Variants in ATXN7L1 observed in about 807,000 individuals in gnomAD.
ATXN7L1 encodes ataxin-7-like protein 1.
In ATXN7L1, 15 loss-of-function variants were observed where a neutral mutation model predicts 70.8. The ratio of observed to expected loss-of-function variants is 0.21; its 90% CI spans 0.14 to 0.33. The LOEUF (loss-of-function observed/expected upper bound fraction) is 0.33, where lower values mean the gene tolerates loss of function less well. Ranked by LOEUF, ATXN7L1 falls within the 10% of genes least tolerant of loss-of-function variation. ATXN7L1 has a pLI of 1.00. For missense variants in ATXN7L1, 975 were observed against 1,097.1 expected (o/e 0.89, Z 1.57); for synonymous variants, 440 against 445.1 (o/e 0.99, Z 0.14).
chr7:105,709,501 C>G (rs764939755), intron 3 of ATXN7L1, among the ~76,000 whole-genome samples: 1 of 152,060 alleles, frequency 6.6e-6, no homozygotes, highest in Admixed American at 6.5e-5. Context: ...AAGCCCACAC[C>G]CCAACCACCT....
intron 4 of ATXN7L1, among the ~76,000 whole-genome samples, chr7:105,654,230 T>C (rs1449307239): frequency 1.3e-5 from 2 of 152,242 alleles, no homozygotes; most frequent in African/African-American, 4.8e-5. Context: ...ACAAATGCTT[T>C]AGGTGGGGAT....
chr7:105,772,164 C>T (rs929564199), intron 3 of ATXN7L1, among the ~76,000 whole-genome samples: 2 of 148,682 alleles, frequency 1.3e-5, no homozygotes, highest in South Asian at 2.1e-4. Context: ...ACCTCTGCCT[C>T]CAGGGTTCAA....
chr7:105,608,758 T>C (rs1329858138), intron 11 of ATXN7L1, among the ~76,000 whole-genome samples: 2 of 152,182 alleles, frequency 1.3e-5, no homozygotes, highest in East Asian at 3.8e-4. Flanking sequence ...CATTTCCCCA[T>C]AATCTTTACC....
intron 2 of ATXN7L1, among the ~76,000 whole-genome samples, chr7:105,867,392 C>T (rs777583145): frequency 3.9e-5 from 6 of 152,178 alleles, no homozygotes; most frequent in Non-Finnish European, 7.3e-5. Flanking sequence ...CTTTTGACAT[C>T]GGGGGCCACT....
At chr7:105,655,546 G>A (rs955039464) in intron 4 of ATXN7L1, among the ~76,000 whole-genome samples, 1 of 151,994 alleles carries the variant, frequency 6.6e-6, no homozygotes, top group African/African-American at 2.4e-5. Context: ...CAGGGGTAGG[G>A]TCCTTGCAGT....
chr7:105,819,230 T>G (rs1351404988), intron 2 of ATXN7L1, among the ~76,000 whole-genome samples: 5 of 152,110 alleles, frequency 3.3e-5, no homozygotes, highest in African/African-American at 1.2e-4. Context: ...AAAGTTAATC[T>G]TGCACAGAGG....
intron 2 of ATXN7L1, among the ~76,000 whole-genome samples, chr7:105,814,187 T>C (rs1808848730): frequency 1.3e-5 from 2 of 152,192 alleles, no homozygotes; most frequent in East Asian, 3.8e-4. Context: ...CATCCAGTGT[T>C]TTCTCTTACT....
At chr7:105,676,469 A>C (rs1450258027) in intron 3 of ATXN7L1, among the ~76,000 whole-genome samples, 1 of 152,166 alleles carries the variant, frequency 6.6e-6, no homozygotes, top group East Asian at 1.9e-4. Flanking sequence ...AGACAGCTGG[A>C]CCTGGGCACG....
chr7:105,612,827 TA>T lies in ATXN7L1; in HGVS notation c.2472+1034del, dbSNP rs1377376158. Among the ~76,000 whole-genome samples the T allele has an allele frequency of 2.0e-5, 3 of 152,228 alleles. No individual in the cohort carries two copies. In the East Asian group the frequency reaches 5.8e-4, roughly 29 times the overall value. On this transcript the variant is annotated intron_variant, in intron 10 of 11. Coordinates refer to ENST00000419735, the MANE Select transcript of ATXN7L1 (RefSeq NM_020725.2). ...ATAACAAGTCTCATAAGTGGTGACA[TA>T]AAACATTAAAACATCTTTTAACAAC...
intron 7 of ATXN7L1, 104 bp downstream of exon 7, chr7:105,638,249 A>G (rs1797670610): frequency 7.2e-7 from 1 of 1,382,236 alleles, no homozygotes; most frequent in Admixed American, 2.7e-5. Context: ...AAGTAGTACT[A>G]TTATGATTTC....
rs539492115 is a variant in ATXN7L1, at chr7:105,709,111, T to C, written c.356-43823A>G. 5.3e-5 allele frequency among the ~76,000 whole-genome samples: 8 copies of C among 152,252 alleles called. No individual in the cohort carries two copies. In the South Asian group the frequency reaches 1.7e-3, roughly 32 times the overall value. ...CACTTTGGGAGGCAAGGTGGGTGGA[T>C]CACCTGAGGTCAGGAGTTAGAGACC... On this transcript the variant is annotated intron_variant, in intron 3 of 11. Coordinates refer to ENST00000419735, the MANE Select transcript of ATXN7L1 (RefSeq NM_020725.2).
intron 3 of ATXN7L1, among the ~76,000 whole-genome samples, chr7:105,742,410 G>A (rs1227373717): frequency 2.0e-5 from 3 of 152,180 alleles, no homozygotes; most frequent in Non-Finnish European, 4.4e-5. Flanking sequence ...CATATGTGAG[G>A]CATTTGCCTT....
chr7:105,754,474 C>T (rs968644123), intron 3 of ATXN7L1, among the ~76,000 whole-genome samples: 2 of 151,772 alleles, frequency 1.3e-5, no homozygotes, highest in African/African-American at 2.4e-5. Flanking sequence ...CATAGCTCAC[C>T]GTGGTCTACA....
chr7:105,614,289 G>A lies in ATXN7L1; in HGVS notation c.2045C>T (p.Ala682Val), dbSNP rs1303404478. The change falls in exon 10 of 12, where the codon GCC becomes GTC. Residue 682 changes from alanine (A) to valine (V), a missense_variant. Coordinates refer to ENST00000419735, the MANE Select transcript of ATXN7L1 (RefSeq NM_020725.2). This position sits in a 1 kb window ranked among gnomAD's most constrained non-coding sequence, Gnocchi z 4.3. The part of the protein sequence containing the change: ...GPHKKNCVLN[A>V]SSALNSYQAA... ...CTGATAGGAGTTCAAAGCAGAACTG[G>A]CATTCAAAACACAGTTCTTTTTGTG... The A allele has an allele frequency of 6.4e-7, 1 of 1,552,014 alleles. No individual in the cohort carries two copies. The highest frequency in any genetic ancestry group is 2.4e-5 in the East Asian group (1 of 40,916).
At chr7:105,619,409 A>G (rs1794473023) in intron 9 of ATXN7L1, among the ~76,000 whole-genome samples, 1 of 143,480 alleles carries the variant, frequency 7.0e-6, no homozygotes, top group African/African-American at 2.6e-5. Flanking sequence ...TCAGCCTCAC[A>G]AAGTGCCAGG....
chr7:105,619,506 A>G (rs1794502473), intron 9 of ATXN7L1, among the ~76,000 whole-genome samples: 1 of 12,268 alleles, frequency 8.2e-5, no homozygotes, highest in African/African-American at 4.2e-4. Flanking sequence ...ATATATATAT[A>G]TATATATATA....
At chr7:105,746,907 G>A (rs373287275) in intron 3 of ATXN7L1, among the ~76,000 whole-genome samples, 9 of 152,156 alleles carry the variant, frequency 5.9e-5, no homozygotes, top group African/African-American at 1.9e-4. Context: ...GGGTGACTGC[G>A]GGCAGGAGTA....
chr7:105,813,691 T>C (rs1808775428), intron 2 of ATXN7L1, among the ~76,000 whole-genome samples: 1 of 152,250 alleles, frequency 6.6e-6, no homozygotes, highest in African/African-American at 2.4e-5. Context: ...CTGTAAATTC[T>C]GAAATTAAGT....
At chr7:105,822,050 G>C (rs192457727) in intron 2 of ATXN7L1, among the ~76,000 whole-genome samples, 2 of 152,320 alleles carry the variant, frequency 1.3e-5, no homozygotes, top group African/African-American at 2.4e-5. Context: ...TGAGGTCATA[G>C]AGCCCTTCCC....
Sources: allele counts gnomAD v4.1 joint callset (sites outside exome capture counted in the v4.1 genomes callset), GRCh38; gene constraint gnomAD v4.1.1; non-coding constraint Gnocchi (gnomAD v3.1); transcripts MANE v1.5; gene names NCBI Gene and HGNC (gene_info 2026-07-23, HGNC 2026-07-21).